The following CBFA2T3 variants were observed in gnomAD, a reference collection of about 807,000 sequenced individuals.
CBFA2T3 encodes the protein CBFA2/RUNX1 partner transcriptional co-repressor 3.
A neutral mutation model predicts 58.6 loss-of-function variants in CBFA2T3; 31 were observed. The observed-to-expected ratio is 0.53, with a 90% CI of 0.40 to 0.71. CBFA2T3 has a LOEUF of 0.71. CBFA2T3 is among the 30% of genes least tolerant of loss of function. The pLI, the probability that CBFA2T3 is intolerant of heterozygous loss-of-function variation, is 0.00. For synonymous variants in CBFA2T3, 531 were observed against 421.9 expected (o/e 1.26, Z -3.17); for missense variants, 1,076 against 963.1 (o/e 1.12, Z -1.55).
chr16:88,875,933 C>T lies in CBFA2T3; in HGVS notation c.*1043G>A, dbSNP rs977830555. On this transcript the variant is annotated 3_prime_UTR_variant, in exon 12 of 12. Coordinates refer to ENST00000268679, the MANE Select transcript of CBFA2T3 (RefSeq NM_005187.6). ...AGCAACGGCACACGGACCACGCACA[C>T]GCGGCGGACGCACCAACGCCTACGC... 4 of 233,078 alleles carry T rather than the reference C, an allele frequency of 1.7e-5. No homozygotes were observed. Among genetic ancestry groups the T allele is most frequent in the African/African-American group, 4.4e-5 (2 of 45,306 alleles). The allele number at this position is 233,078 out of a possible 1,614,324, so 14.4% of individuals were successfully genotyped here.
At chr16:88,884,991 C>T (rs1195618267) in intron 7 of CBFA2T3, 55 bp downstream of exon 7, 17 of 1,347,436 alleles carry the variant, frequency 1.3e-5, no homozygotes, top group Non-Finnish European at 1.6e-5. Context: ...TACATGTGGG[C>T]GCATGTGTGC....
chr16:88,941,230 C>T (rs1286912776), intron 1 of CBFA2T3: 1 of 954,616 alleles, frequency 1.0e-6, no homozygotes, highest in Non-Finnish European at 1.2e-6. Context: ...CGGCTCCGGC[C>T]ACCCCGCGCG....
chr16:88,879,064 G>A (rs974013143), intron 11 of CBFA2T3, among the ~76,000 whole-genome samples: 4 of 152,214 alleles, frequency 2.6e-5, no homozygotes, highest in Non-Finnish European at 4.4e-5. Context: ...CTACAGAACG[G>A]GGACATCCAT....
intron 1 of CBFA2T3, among the ~76,000 whole-genome samples, chr16:88,916,064 ATGTGTATTCATGCATG>A (rs1173147641): frequency 4.0e-5 from 6 of 148,878 alleles, no homozygotes; most frequent in Non-Finnish European, 4.5e-5. Context: ...GTATGTGTGC[ATGTGTATTCATGCATG>A]TGTGTATTCA....
chr16:88,921,389 G>C (rs1469819564), intron 1 of CBFA2T3, among the ~76,000 whole-genome samples: 4 of 152,238 alleles, frequency 2.6e-5, no homozygotes, highest in Non-Finnish European at 2.9e-5. Flanking sequence ...CCCCACCCCA[G>C]CTTGGCAGGA....
chr16:88,895,235 T>C (rs1969837297), intron 3 of CBFA2T3, among the ~76,000 whole-genome samples: 1 of 152,226 alleles, frequency 6.6e-6, no homozygotes, highest in African/African-American at 2.4e-5. Context: ...AAGGCCCTTC[T>C]GAGGGGTCAG....
chr16:88,908,771 T>C (rs1970424491), intron 1 of CBFA2T3, among the ~76,000 whole-genome samples: 1 of 152,268 alleles, frequency 6.6e-6, no homozygotes, highest in African/African-American at 2.4e-5. Flanking sequence ...CACAAAAGCC[T>C]TGGGGCATAG....
At chr16:88,905,228 C>T (rs913574316) in intron 1 of CBFA2T3, among the ~76,000 whole-genome samples, 31 of 152,064 alleles carry the variant, frequency 2.0e-4, no homozygotes, top group African/African-American at 7.5e-4. Flanking sequence ...CTGCTTAATA[C>T]CCTTCAGCAG....
intron 1 of CBFA2T3, among the ~76,000 whole-genome samples, chr16:88,925,139 G>C (rs908468604): frequency 1.3e-5 from 2 of 152,222 alleles, no homozygotes; most frequent in African/African-American, 4.8e-5. Flanking sequence ...GCTGACCCTG[G>C]GGCAGCAGGC....
chr16:88,909,775 G>A (rs1970469490), intron 1 of CBFA2T3, among the ~76,000 whole-genome samples: 2 of 152,210 alleles, frequency 1.3e-5, no homozygotes, highest in African/African-American at 4.8e-5. Context: ...CCCCTGAGAG[G>A]TGAGGTCATC....
chr16:88,959,535 C>A (rs936147976), intron 1 of CBFA2T3, among the ~76,000 whole-genome samples: 9 of 152,148 alleles, frequency 5.9e-5, no homozygotes, highest in African/African-American at 1.2e-4. Flanking sequence ...GGTCATACCA[C>A]CTGTAAAAGC....
At chr16:88,895,502 G>A (rs553760354) in intron 3 of CBFA2T3, among the ~76,000 whole-genome samples, 1 of 152,284 alleles carries the variant, frequency 6.6e-6, no homozygotes, top group East Asian at 1.9e-4. Flanking sequence ...AGGGCAGCCC[G>A]GCTCCCCCAG....
intron 1 of CBFA2T3, among the ~76,000 whole-genome samples, chr16:88,905,608 G>A (rs1345621522): frequency 1.3e-5 from 2 of 151,080 alleles, no homozygotes; most frequent in South Asian, 2.1e-4. Flanking sequence ...AGGGGCTGGA[G>A]GAGAGCAAAG....
At position 88,891,430 on chromosome 16, in the gene CBFA2T3, C is replaced by T. The variant is rs866076182; in HGVS notation, c.711+452G>A. Among the ~76,000 whole-genome samples, 11 of 152,310 alleles carry T rather than the reference C, an allele frequency of 7.2e-5. No homozygotes were observed. The Middle Eastern group carries it at 0.01, about 141-fold the overall frequency. ...CTGCAGATTTGAGAGTGGCTGTGGA[C>T]CGAACGCCTTCCCACCCCAGGGTGC... is the stretch of plus-strand genomic sequence containing the variant. On this transcript the variant is annotated intron_variant, in intron 5 of 11. Coordinates refer to ENST00000268679, the MANE Select transcript of CBFA2T3 (RefSeq NM_005187.6).
intron 1 of CBFA2T3, chr16:88,940,966 C>G (rs1971703117): frequency 1.1e-6 from 1 of 874,690 alleles, no homozygotes; most frequent in Admixed American, 6.2e-5. Context: ...ACGGCAGCCG[C>G]GGGCGGAGTC....
chr16:88,967,001 G>A (rs1316739868), intron 1 of CBFA2T3, among the ~76,000 whole-genome samples: 3 of 152,206 alleles, frequency 2.0e-5, no homozygotes, highest in East Asian at 3.8e-4. Flanking sequence ...CCCAGGGGAC[G>A]AGGGAAAGCA....
At chr16:88,947,863 A>G (rs543060199) in intron 1 of CBFA2T3, among the ~76,000 whole-genome samples, 3 of 152,204 alleles carry the variant, frequency 2.0e-5, no homozygotes, top group Non-Finnish European at 4.4e-5. Flanking sequence ...GCAGGGAGCT[A>G]TGATCACGCT....
chr16:88,943,144 A>G (rs1034859754), intron 1 of CBFA2T3, among the ~76,000 whole-genome samples: 3 of 152,234 alleles, frequency 2.0e-5, no homozygotes, highest in Non-Finnish European at 2.9e-5. Flanking sequence ...ACAAAGCAAC[A>G]TAAACGTGGG....
chr16:88,911,876 AC>A (rs546374259), intron 1 of CBFA2T3, among the ~76,000 whole-genome samples: 1 of 150,442 alleles, frequency 6.6e-6, no homozygotes, highest in Non-Finnish European at 1.5e-5. Flanking sequence ...CACAGTGAAG[AC>A]CCCCCCTCCT....
Sources: allele counts gnomAD v4.1 joint callset (sites outside exome capture counted in the v4.1 genomes callset), GRCh38; gene constraint gnomAD v4.1.1; transcripts MANE v1.5; gene names NCBI Gene and HGNC (gene_info 2026-07-23, HGNC 2026-07-21).